The following NTN4 variants were observed in gnomAD, a reference collection of about 807,000 sequenced individuals.
The protein encoded by NTN4 is netrin-4.
A neutral mutation model predicts 73.6 loss-of-function variants in NTN4; 32 were observed. The ratio of observed to expected loss-of-function variants is 0.44; its 90% CI spans 0.33 to 0.58. The LOEUF (loss-of-function observed/expected upper bound fraction) is 0.58, where lower values mean the gene tolerates loss of function less well. NTN4 is among the 20% of genes least tolerant of loss of function. The pLI is 0.04. For synonymous variants in NTN4, 258 were observed against 287.5 expected (o/e 0.90, Z 1.04); for missense variants, 654 against 798.3 (o/e 0.82, Z 2.18).
chr12:95,773,538 C>A (rs1387817190), intron 2 of NTN4, among the ~76,000 whole-genome samples: 2 of 152,138 alleles, frequency 1.3e-5, no homozygotes, highest in Admixed American at 1.3e-4. Context: ...GACCCCTTAG[C>A]TTTGGTATCA....
chr12:95,736,530 G>A (rs2078778917), intron 3 of NTN4, among the ~76,000 whole-genome samples: 1 of 152,130 alleles, frequency 6.6e-6, no homozygotes, highest in Non-Finnish European at 1.5e-5. Context: ...AAACTTTCTA[G>A]TTCACAGTCT....
At chr12:95,700,440 G>C (rs2078476053) in intron 5 of NTN4, among the ~76,000 whole-genome samples, 1 of 152,048 alleles carries the variant, frequency 6.6e-6, no homozygotes, top group South Asian at 2.1e-4. Context: ...GTGTATTCTG[G>C]GCAGGACTCT....
At chr12:95,776,431 G>C (rs897549564) in intron 2 of NTN4, among the ~76,000 whole-genome samples, 15 of 152,140 alleles carry the variant, frequency 9.9e-5, no homozygotes, top group African/African-American at 3.6e-4. Flanking sequence ...TAGACGAATG[G>C]CTAACTAGAA....
intron 3 of NTN4, among the ~76,000 whole-genome samples, chr12:95,716,652 A>G (rs1159276291): frequency 6.6e-6 from 1 of 151,774 alleles, no homozygotes; most frequent in African/African-American, 2.4e-5. Flanking sequence ...CCCCCAGCTC[A>G]TGCCTTACAA....
intron 3 of NTN4, among the ~76,000 whole-genome samples, chr12:95,731,761 A>G (rs1013279067): frequency 6.6e-6 from 1 of 152,068 alleles, no homozygotes; most frequent in African/African-American, 2.4e-5. Context: ...GGTTAGATCC[A>G]AGTCTTTCAC....
At chr12:95,735,828 A>C (rs1325624970) in intron 3 of NTN4, among the ~76,000 whole-genome samples, 6 of 152,076 alleles carry the variant, frequency 3.9e-5, no homozygotes, top group African/African-American at 1.4e-4. Flanking sequence ...GTTAACTCTG[A>C]AAGTTTATAT....
intron 9 of NTN4, among the ~76,000 whole-genome samples, chr12:95,663,799 G>C (rs2078156958): frequency 6.6e-6 from 1 of 152,124 alleles, no homozygotes; most frequent in Non-Finnish European, 1.5e-5. Context: ...GACTTGGCTT[G>C]GCAGAAACCT....
At chr12:95,710,243 T>C (rs1210210456) in intron 5 of NTN4, among the ~76,000 whole-genome samples, 198 bp downstream of exon 5, 1 of 152,174 alleles carries the variant, frequency 6.6e-6, no homozygotes, top group Non-Finnish European at 1.5e-5. Context: ...AGGAAATTAC[T>C]TTGATGAATA....
chr12:95,738,291 G>A, intron 2 of NTN4, 147 bp from the exon 3 acceptor site: 1 of 709,970 alleles, frequency 1.4e-6, no homozygotes. Flanking sequence ...GAGCACACCT[G>A]GGACAGAGCC....
intron 3 of NTN4, among the ~76,000 whole-genome samples, chr12:95,724,591 T>C (rs2078677127): frequency 6.6e-6 from 1 of 152,188 alleles, no homozygotes; most frequent in Admixed American, 6.5e-5. Flanking sequence ...TTCTCCTTTA[T>C]AACAGCTATA....
intron 7 of NTN4, 137 bp downstream of exon 7, chr12:95,682,570 C>T (rs2120987790): frequency 1.8e-6 from 1 of 552,882 alleles, no homozygotes; most frequent in Non-Finnish European, 3.2e-6. Context: ...ACAGGAGTCA[C>T]TACTTTATTA....
At chr12:95,746,762 A>G (rs552354124) in intron 2 of NTN4, among the ~76,000 whole-genome samples, 10 of 152,272 alleles carry the variant, frequency 6.6e-5, no homozygotes, top group Non-Finnish European at 1.0e-4. Flanking sequence ...AGCTCTATCT[A>G]GGTTCCTCTT....
chr12:95,701,982 GA>G (rs2078488087), intron 5 of NTN4, among the ~76,000 whole-genome samples: 1 of 151,978 alleles, frequency 6.6e-6, no homozygotes, highest in African/African-American at 2.4e-5. Context: ...ACTGAGATTA[GA>G]AAGCTGGACA....
intron 2 of NTN4, among the ~76,000 whole-genome samples, chr12:95,784,541 G>A (rs1420688063): frequency 6.6e-6 from 1 of 152,116 alleles, no homozygotes; most frequent in African/African-American, 2.4e-5. Context: ...GGCCGAGGAG[G>A]GCGGATCACT....
At chr12:95,734,876 C>T (rs1210896333) in intron 3 of NTN4, among the ~76,000 whole-genome samples, 1 of 152,030 alleles carries the variant, frequency 6.6e-6, no homozygotes, top group African/African-American at 2.4e-5. Flanking sequence ...CCCATCTCTA[C>T]TAAAAATACA....
At chr12:95,779,912 C>A (rs1440296690) in intron 2 of NTN4, among the ~76,000 whole-genome samples, 4 of 151,392 alleles carry the variant, frequency 2.6e-5, no homozygotes, top group Admixed American at 1.3e-4. Context: ...AACTATACTA[C>A]AAGTAACCAA....
In NTN4 at chr12:95,710,174, A is replaced by G. The variant is rs565654051; in HGVS notation, c.1180+267T>C. 1.3e-3 allele frequency among the ~76,000 whole-genome samples: 194 copies of G among 152,276 alleles called. 1 individual carries two copies. The highest frequency in any genetic ancestry group is 4.3e-3 in the African/African-American group (180 of 41,572). On this transcript the variant is annotated intron_variant, in intron 5 of 9. Transcript: ENST00000343702. ...TTCATCACTCTTTTTTCTATTAGTC[A>G]TCCTGTTTACCAAAATGCAGTGCTA...
rs769189992 is a variant in NTN4 at position 95,683,668 on chromosome 12, G to T, written c.1224C>A (p.Asn408Lys). The T allele has an allele frequency of 6.2e-7, 1 of 1,613,498 alleles. No individual in the cohort carries two copies. Among genetic ancestry groups the T allele is most frequent in the African/African-American group, 1.3e-5 (1 of 74,912 alleles). Residue 408 changes from asparagine (N) to lysine (K), a missense_variant, in exon 6 of 10, where the codon AAC becomes AAA. Physicochemically the swap from Asn to Lys is moderately conservative, Grantham distance 94. Transcript: ENST00000343702. Reference sequence around the variant, plus strand: ...TGCTGGGGTCGCAGAAGGTCACTGAGTTGGCAGGAAGGACAGCTGATCCTA... The same window carrying T: ...TGCTGGGGTCGCAGAAGGTCACTGATTTGGCAGGAAGGACAGCTGATCCTA... Reference protein sequence around the residue: ...HPVGSAVLPANSVTFCDPSNG... With the variant: ...HPVGSAVLPAKSVTFCDPSNG...
At position 95,737,875 on chromosome 12, in the gene NTN4, T is replaced by C. The variant is rs776220307; in HGVS notation, c.855A>G (p.Thr285=). 4.4e-6 allele frequency: 7 copies of C among 1,607,800 alleles called. No individual in the cohort carries two copies. The Middle Eastern group carries it at 5.0e-4, about 114-fold the overall frequency. Residue 285 remains threonine, a synonymous_variant, in exon 3 of 10, where the codon ACA becomes ACG. Transcript: ENST00000343702. ...GACTTGTTTCACCTACCATGTGGAA[T>C]GTTCCTGGGGCCTTGACAGGTCTGA... is the stretch of plus-strand genomic sequence containing the variant. ...HGFRPVKAPG[T]FHMVHGKCMC...
Sources: gnomAD v4.1 joint callset for allele counts (sites outside exome capture counted in the v4.1 genomes callset) on GRCh38, gnomAD v4.1.1 for gene constraint, MANE v1.5 for transcripts, NCBI Gene and HGNC (gene_info 2026-07-23, HGNC 2026-07-21) for gene names.